Variants in XYLT1 observed in about 807,000 individuals in gnomAD.
The protein encoded by XYLT1 is xylosyltransferase 1.
A neutral mutation model predicts 91.3 loss-of-function variants in XYLT1; 36 were observed. The observed-to-expected ratio is 0.39, with a 90% CI of 0.30 to 0.52. XYLT1 has a LOEUF of 0.52. Among genes scored for constraint, XYLT1 ranks in the 20% least tolerant of loss-of-function variants. XYLT1 has a pLI of 0.68. For missense variants in XYLT1, 1,242 were observed against 1,284.5 expected (o/e 0.97, Z 0.51); for synonymous variants, 588 against 532.0 (o/e 1.11, Z -1.45).
rs530074535 is a variant in XYLT1, at chr16:17,284,732, C to T, written c.403-25234G>A. Among the ~76,000 whole-genome samples the T allele has an allele frequency of 1.4e-4, 21 of 152,166 alleles. No homozygotes were observed. In the South Asian group the frequency reaches 1.9e-3, roughly 14 times the overall value. On this transcript the variant is annotated intron_variant, in intron 2 of 11. Coordinates refer to ENST00000261381, the MANE Select transcript of XYLT1 (RefSeq NM_022166.4). ...AGGAGTTCGAGGCTGCAGTGAGCTA[C>T]GACTACACCACTACACTACAGCCTG... is the stretch of plus-strand genomic sequence containing the variant.
intron 1 of XYLT1, among the ~76,000 whole-genome samples, chr16:17,379,763 T>TCTCTCACACACACACACACACACA (rs373354877): frequency 8.0e-6 from 1 of 125,546 alleles, no homozygotes; most frequent in African/African-American, 3.2e-5. Context: ...TCTCTCTCTC[T>TCTCTCACACACACACACACACACA]CACACACACA....
intron 6 of XYLT1, among the ~76,000 whole-genome samples, chr16:17,141,809 A>T (rs2030984302): frequency 6.6e-6 from 1 of 152,248 alleles, no homozygotes; most frequent in Non-Finnish European, 1.5e-5. Context: ...ATACAGGGTT[A>T]TGAAACAGCG....
Position 17,290,340 on chromosome 16 carries a change from G to T in XYLT1, c.403-30842C>A, listed in dbSNP as rs138938561. On this transcript the variant is annotated intron_variant, in intron 2 of 11. Transcript: ENST00000261381. ...AAAGTCTAAAGCACCAAAGGCAGCG[G>T]AAGGTCCATCTCATGTTTCATTACG... Among the ~76,000 whole-genome samples, 137 of 152,358 alleles carry T rather than the reference G, an allele frequency of 9.0e-4. 1 individual carries two copies. The highest frequency in any genetic ancestry group is 3.0e-3 in the African/African-American group (123 of 41,586).
At chr16:17,229,870 A>G (rs1234114354) in intron 3 of XYLT1, among the ~76,000 whole-genome samples, 1 of 152,226 alleles carries the variant, frequency 6.6e-6, no homozygotes, top group Non-Finnish European at 1.5e-5. Flanking sequence ...CTCTGCAGAT[A>G]TAATTAGTTA....
chr16:17,454,387 C>G (rs532010440), intron 1 of XYLT1, among the ~76,000 whole-genome samples: 8 of 152,312 alleles, frequency 5.3e-5, no homozygotes, highest in African/African-American at 1.9e-4. Context: ...TTTTTGGTAA[C>G]AGGCCAGATA....
chr16:17,237,208 T>C (rs1489330323), intron 3 of XYLT1, among the ~76,000 whole-genome samples: 1 of 152,206 alleles, frequency 6.6e-6, no homozygotes, highest in Non-Finnish European at 1.5e-5. Context: ...GTATTCAACT[T>C]ACAATCCCAA....
intron 5 of XYLT1, among the ~76,000 whole-genome samples, chr16:17,166,735 T>C (rs1000448939): frequency 5.9e-5 from 9 of 151,890 alleles, no homozygotes; most frequent in African/African-American, 2.2e-4. Context: ...TTGGCCAGGC[T>C]GGTCCTGACC....
intron 5 of XYLT1, among the ~76,000 whole-genome samples, chr16:17,178,793 G>A (rs1597172116): frequency 3.9e-5 from 6 of 152,256 alleles, no homozygotes; most frequent in Admixed American, 3.9e-4. Context: ...TTTGAGGCTG[G>A]GCGTGGTGGC....
rs150594505 is a variant in XYLT1, at chr16:17,297,629, G to T, written c.403-38131C>A. On this transcript the variant is annotated intron_variant, in intron 2 of 11. Coordinates refer to ENST00000261381, the MANE Select transcript of XYLT1 (RefSeq NM_022166.4). ...TCCTCACTACTCAGGAGGCTGAGGT[G>T]GGAGGATCACTTGAGCCTAGGAGGT... Among the ~76,000 whole-genome samples, 397 of 152,146 alleles carry T rather than the reference G, an allele frequency of 2.6e-3. 5 individuals are homozygous for T. Among genetic ancestry groups the T allele is most frequent in the African/African-American group, 9.2e-3 (382 of 41,524 alleles).
chr16:17,350,635 CGGGGGAAAAAAACATAT>C (rs2035207496), intron 2 of XYLT1, among the ~76,000 whole-genome samples: 1 of 152,086 alleles, frequency 6.6e-6, no homozygotes, highest in Non-Finnish European at 1.5e-5. Flanking sequence ...AGGAGGCTGA[CGGGGGAAAAAAACATAT>C]GGGCTGAGAA....
chr16:17,160,600 G>T (rs994145106), intron 5 of XYLT1, among the ~76,000 whole-genome samples: 5 of 152,228 alleles, frequency 3.3e-5, no homozygotes, highest in African/African-American at 7.2e-5. Flanking sequence ...CCGTGTGTCT[G>T]CAGGGAGTTG....
rs1371100645 is a variant in XYLT1, at chr16:17,105,735, A to G, written c.*2960T>C. 1 of 152,196 alleles carries G rather than the reference A, an allele frequency of 6.6e-6. No homozygotes were observed. Among genetic ancestry groups the G allele is most frequent in the Admixed American group, 6.5e-5 (1 of 15,282 alleles). The allele number at this position is 152,196 out of a possible 1,614,324, so 9.4% of individuals were successfully genotyped here. ...GGCTCAGCTCACAGCTGCAGGCTGT[A>G]ATAGGTTTCCAGAGACCACAGCCCT... On this transcript the variant is annotated 3_prime_UTR_variant, in exon 12 of 12. Coordinates refer to ENST00000261381, the MANE Select transcript of XYLT1 (RefSeq NM_022166.4).
chr16:17,212,151 AC>A (rs1032633647), intron 3 of XYLT1, among the ~76,000 whole-genome samples: 2 of 152,158 alleles, frequency 1.3e-5, no homozygotes, highest in African/African-American at 4.8e-5. Context: ...TTCAGCCCCA[AC>A]CCCAAACCTT....
chr16:17,325,879 T>C (rs577004577), intron 2 of XYLT1, among the ~76,000 whole-genome samples: 1 of 152,350 alleles, frequency 6.6e-6, no homozygotes, highest in South Asian at 2.1e-4. Context: ...TTTCTAAGCA[T>C]GAACTGGGCA....
At chr16:17,322,340 G>T (rs2034736753) in intron 2 of XYLT1, among the ~76,000 whole-genome samples, 1 of 152,192 alleles carries the variant, frequency 6.6e-6, no homozygotes, top group African/African-American at 2.4e-5. Context: ...GACCCGACAA[G>T]TAGAAACTTA....
At chr16:17,456,326 A>ACAAACCTTT (rs1350202757) in intron 1 of XYLT1, among the ~76,000 whole-genome samples, 1 of 147,074 alleles carries the variant, frequency 6.8e-6, no homozygotes, top group East Asian at 2.0e-4. Context: ...GGCAAACAGT[A>ACAAACCTTT]CAAACCTTTT....
chr16:17,279,590 G>A (rs754212870), intron 2 of XYLT1, among the ~76,000 whole-genome samples: 2 of 152,148 alleles, frequency 1.3e-5, no homozygotes, highest in Admixed American at 6.5e-5. Flanking sequence ...TATCGAGGGC[G>A]TCTTCAACAA....
intron 1 of XYLT1, among the ~76,000 whole-genome samples, chr16:17,393,781 ATTAT>A (rs1567186666): frequency 1.7e-4 from 26 of 151,314 alleles, no homozygotes. Context: ...TATTATTATT[ATTAT>A]TATTTTTTGA....
At position 17,400,316 on chromosome 16, in the gene XYLT1, C is replaced by T. The variant is rs564310120; in HGVS notation, c.364-42266G>A. On this transcript the variant is annotated intron_variant, in intron 1 of 11. Transcript: ENST00000261381. Reference sequence around the variant, plus strand: ...AAGAACTTGCAGTTTAGGGGCTGGGCGCCATGGCTCACACCTGTAATCCCA... The same window carrying T: ...AAGAACTTGCAGTTTAGGGGCTGGGTGCCATGGCTCACACCTGTAATCCCA... Among the ~76,000 whole-genome samples, 37 of 152,172 alleles carry T rather than the reference C, an allele frequency of 2.4e-4. No homozygotes were observed. The South Asian group carries it at 7.1e-3, about 29-fold the overall frequency.
Sources: allele counts gnomAD v4.1 joint callset (sites outside exome capture counted in the v4.1 genomes callset), GRCh38; gene constraint gnomAD v4.1.1; transcripts MANE v1.5; gene names NCBI Gene and HGNC (gene_info 2026-07-23, HGNC 2026-07-21).